The following SH3TC1 variants were observed in gnomAD, a reference collection of about 807,000 sequenced individuals.
SH3TC1 encodes SH3 domain and tetratricopeptide repeats 1.
In SH3TC1, 135 loss-of-function variants were observed where a neutral mutation model predicts 117.3. The observed-to-expected ratio is 1.15, with a 90% CI of 1.00 to 1.33. The LOEUF (loss-of-function observed/expected upper bound fraction) is 1.33. Ranked by LOEUF, SH3TC1 falls within the 40% of genes most tolerant of loss-of-function variation. The pLI is 0.00. For missense variants in SH3TC1, 2,092 were observed against 1,794.3 expected (o/e 1.17, Z -3.00); for synonymous variants, 898 against 816.9 (o/e 1.10, Z -1.69).
intron 1 of SH3TC1, chr4:8,204,738 C>T (rs979446036): frequency 2.2e-4 from 34 of 153,974 alleles, no homozygotes; most frequent in African/African-American, 1.9e-4. Context: ...CTATTTGTGA[C>T]GCTGGAAGGG....
chr4:8,222,751 C>A, intron 9 of SH3TC1, 89 bp from the exon 10 acceptor site: 1 of 1,507,844 alleles, frequency 6.6e-7, no homozygotes, highest in Non-Finnish European at 9.0e-7. Context: ...GACTATCTGT[C>A]TGTCAAATCA....
rs376494346 is a variant in SH3TC1 at position 8,232,016 on chromosome 4, C to T, written c.2991C>T (p.Ser997=). The T allele has an allele frequency of 3.0e-5, 48 of 1,612,696 alleles. No individual in the cohort carries two copies. Among genetic ancestry groups the T allele is most frequent in the African/African-American group, 8.0e-5 (6 of 74,932 alleles). The part of the protein sequence containing the change: ...RAVQRLCHFY[S]AVMPSEAQCV... ...TCCAGCGGCTGTGCCACTTCTACAG[C>T]GCCGTCATGCCCAGCGAGGCCCAGT... Residue 997 remains serine, a synonymous_variant, in exon 13 of 18, where the codon AGC becomes AGT. Transcript: ENST00000245105.
chr4:8,205,946 C>T lies in SH3TC1; in HGVS notation c.172+580C>T, dbSNP rs1340861360. On this transcript the variant is annotated intron_variant, in intron 2 of 17. Transcript: ENST00000245105. The surrounding 1 kb of genome is among the most constrained non-coding windows in gnomAD (Gnocchi z 5.4). ...GGAGACCAAGGCCTGCACGGCCCCTCCCGGCAGGAGACAGCTGCGGTTGTG... is the reference window on the plus strand; with the variant it reads ...GGAGACCAAGGCCTGCACGGCCCCTTCCGGCAGGAGACAGCTGCGGTTGTG... 2 of 467,556 alleles carry T rather than the reference C, an allele frequency of 4.3e-6. No individual in the cohort carries two copies. The highest frequency in any genetic ancestry group is 3.7e-5 in the South Asian group (1 of 26,758). 29.0% of individuals were successfully genotyped at this position (467,556 alleles called of 1,614,324 possible).
In SH3TC1 at chr4:8,219,392, C is replaced by A. The variant is rs1283128288; in HGVS notation, c.974C>A (p.Thr325Asn). Reference sequence around the variant, plus strand: ...CAGGGCTCGGGGCCCGAAGAGATGACCTTCCGAGGTGGCGACCTCATCGAG... The same window carrying A: ...CAGGGCTCGGGGCCCGAAGAGATGAACTTCCGAGGTGGCGACCTCATCGAG... Reference protein sequence around the residue: ...DFQGSGPEEMTFRGGDLIEIL... With the variant: ...DFQGSGPEEMNFRGGDLIEIL... The change falls in exon 9 of 18, where the codon ACC becomes AAC. Residue 325 changes from threonine to asparagine, a missense_variant. By Grantham distance (65) the Thr-to-Asn change is moderately conservative. Coordinates refer to ENST00000245105, the MANE Select transcript of SH3TC1 (RefSeq NM_018986.5). The A allele has an allele frequency of 2.7e-5, 43 of 1,610,236 alleles. No homozygotes were observed. The highest frequency in any genetic ancestry group is 3.7e-5 in the Non-Finnish European group (43 of 1,177,984).
At position 8,186,434 on chromosome 4, in the gene SH3TC1, C is replaced by T. The variant is rs1477285838; in HGVS notation, c.-57+4224C>T. ...ATGGGCTTCTGCGTGGAGCAGAAGA[C>T]GGATGTTAGGGGAAACTAAGGAAGT... On this transcript the variant is annotated intron_variant, in intron 1 of 16. Transcript: ENST00000508641. The surrounding 1 kb of genome is among the most constrained non-coding windows in gnomAD (Gnocchi z 5.2). Among the ~76,000 whole-genome samples the T allele has an allele frequency of 1.3e-5, 2 of 152,056 alleles. No homozygotes were observed. Among genetic ancestry groups the T allele is most frequent in the African/African-American group, 2.4e-5 (1 of 41,380 alleles).
intron 12 of SH3TC1, 62 bp downstream of exon 12, chr4:8,228,706 G>A: frequency 1.5e-6 from 2 of 1,292,974 alleles, no homozygotes; most frequent in Non-Finnish European, 2.1e-6. Flanking sequence ...CACACCTGGG[G>A]TTTGTGATTC....
At chr4:8,214,119 C>A (rs1467671925) in intron 4 of SH3TC1, among the ~76,000 whole-genome samples, 1 of 152,082 alleles carries the variant, frequency 6.6e-6, no homozygotes, top group Non-Finnish European at 1.5e-5. Flanking sequence ...CCACTCAGGG[C>A]TGAGAGCACA....
upstream of SH3TC1, among the ~76,000 whole-genome samples, chr4:8,194,772 A>T (rs963536452): frequency 6.6e-6 from 1 of 151,964 alleles, no homozygotes; most frequent in African/African-American, 2.4e-5. Flanking sequence ...GCAAAGATTA[A>T]CTCTGGAGCT....
intron 5 of SH3TC1, among the ~76,000 whole-genome samples, 186 bp from the exon 6 acceptor site, chr4:8,215,925 C>T (rs1051313663): frequency 7.7e-5 from 9 of 116,154 alleles, no homozygotes; most frequent in East Asian, 6.4e-4. Context: ...TCTCACAGCC[C>T]GGGTGGTCAG....
rs76974855 is a variant in SH3TC1, at chr4:8,215,319, C to T, written c.481+739C>T. 9.7e-3 allele frequency: 4,327 copies of T among 445,352 alleles called. 36 individuals are homozygous for T. The highest frequency in any genetic ancestry group is 0.016 in the Middle Eastern group (36 of 2,222). The allele number at this position is 445,352 out of a possible 1,614,324, so 27.6% of individuals were successfully genotyped here. A position where few individuals can be genotyped will look rare whatever the true frequency, so the allele number is the denominator to read the frequency against. ...TAACGGAGCCTCCCTGGGGATCTTG[C>T]GACACCACCCTTGATTTGAGGGCTA... On this transcript the variant is annotated intron_variant, in intron 5 of 17. Coordinates refer to ENST00000245105, the MANE Select transcript of SH3TC1 (RefSeq NM_018986.5).
At position 8,231,984 on chromosome 4, in the gene SH3TC1, CG is replaced by C; in HGVS notation, c.2962del (p.Ala988ProfsTer156). 6.2e-7 allele frequency: 1 copy of C among 1,611,458 alleles called. No homozygotes were observed. ...TTTTGTCTTCTGCCCAGGCCAGCTG[CG>C]GGCCGTCCAGCGGCTGTGCCACTTC... ...VEMGHVESQL[R>X]AVQRLCHFYS... On this transcript the variant is annotated frameshift_variant, in exon 13 of 18. Coordinates refer to ENST00000245105, the MANE Select transcript of SH3TC1 (RefSeq NM_018986.5). LOFTEE classifies it high-confidence loss of function.
chr4:8,233,569 A>ATCCG (rs200437615), intron 14 of SH3TC1, 56 bp downstream of exon 14: 12 of 1,514,644 alleles, frequency 7.9e-6, no homozygotes, highest in African/African-American at 1.4e-5. Context: ...CCATCCATCC[A>ATCCG]TCCGTCCATT....
At chr4:8,194,891 G>C (rs770559007), upstream of SH3TC1, among the ~76,000 whole-genome samples, 3 of 152,188 alleles carry the variant, frequency 2.0e-5, no homozygotes, top group Non-Finnish European at 4.4e-5. Flanking sequence ...CTTTGTCTCC[G>C]GCTGCTCCAC....
chr4:8,232,886 C>T, intron 13 of SH3TC1: 1 of 1,217,688 alleles, frequency 8.2e-7, no homozygotes, highest in South Asian at 1.4e-5. Flanking sequence ...AGCAGAGCAG[C>T]ATCCATGTCA....
chr4:8,205,988 C>T lies in SH3TC1; in HGVS notation c.172+622C>T, dbSNP rs1192319421. 3 of 375,926 alleles carry T rather than the reference C, an allele frequency of 8.0e-6. No homozygotes were observed. Among genetic ancestry groups the T allele is most frequent in the South Asian group, 5.5e-5 (1 of 18,180 alleles). 23.3% of individuals were successfully genotyped at this position (375,926 alleles called of 1,614,324 possible). A position where few individuals can be genotyped will look rare whatever the true frequency, so the allele number is the denominator to read the frequency against. On this transcript the variant is annotated intron_variant, in intron 2 of 17. Transcript: ENST00000245105. This position sits in a 1 kb window ranked among gnomAD's most constrained non-coding sequence, Gnocchi z 5.4. Reference sequence around the variant, plus strand: ...GCGGTTGTGACCCGTCCCTGGGCCTCGTCCTCCCAGTGTCCAGCCTCAGCC... The same window carrying T: ...GCGGTTGTGACCCGTCCCTGGGCCTTGTCCTCCCAGTGTCCAGCCTCAGCC...
chr4:8,205,034 G>A lies in SH3TC1; in HGVS notation c.-28-133G>A, dbSNP rs779426983. The stretch of plus-strand genomic sequence containing the variant: ...ACAACACGGTGCACGGTGCGGTGAG[G>A]GGCTCGCTGGATCTGAAAGGTGCAG... On this transcript the variant is annotated intron_variant, in intron 1 of 17. Coordinates refer to ENST00000245105, the MANE Select transcript of SH3TC1 (RefSeq NM_018986.5). This position sits in a 1 kb window ranked among gnomAD's most constrained non-coding sequence, Gnocchi z 5.4. 3 of 647,058 alleles carry A rather than the reference G, an allele frequency of 4.6e-6. No individual in the cohort carries two copies. The highest frequency in any genetic ancestry group is 4.9e-6 in the Non-Finnish European group (2 of 404,486). The allele number at this position is 647,058 out of a possible 1,614,324, so 40.1% of individuals were successfully genotyped here.
chr4:8,233,070 G>A lies in SH3TC1; in HGVS notation c.3132-293G>A, dbSNP rs545548368. 1.3e-4 allele frequency: 170 copies of A among 1,263,738 alleles called. 1 individual carries two copies. In the African/African-American group the frequency reaches 1.4e-3, roughly 11 times the overall value. 78.3% of individuals were successfully genotyped at this position (1,263,738 alleles called of 1,614,324 possible). ...TCTGAACACTGATGGCTCCTGGTGC[G>A]TCTAGAGAAGACACAGGCCATGTCT... is the stretch of plus-strand genomic sequence containing the variant. On this transcript the variant is annotated intron_variant, in intron 13 of 17. Coordinates refer to ENST00000245105, the MANE Select transcript of SH3TC1 (RefSeq NM_018986.5).
rs769048911 is a variant in SH3TC1 at position 8,218,195 on chromosome 4, T to G, written c.840-76T>G. 10 of 1,156,334 alleles carry G rather than the reference T, an allele frequency of 8.6e-6. No individual in the cohort carries two copies. The South Asian group carries it at 1.2e-4, about 14-fold the overall frequency. 71.6% of individuals were successfully genotyped at this position (1,156,334 alleles called of 1,614,324 possible). On this transcript the variant is annotated intron_variant, in intron 7 of 17. Transcript: ENST00000245105. ...CTCAGGTTGCTGGGGGCTGCTGGCCTGTCCAGTCTCTGCACAGGATGTATC... is the reference window on the plus strand; with the variant it reads ...CTCAGGTTGCTGGGGGCTGCTGGCCGGTCCAGTCTCTGCACAGGATGTATC...
chr4:8,227,057 A>G lies in SH3TC1; in HGVS notation c.1363A>G (p.Thr455Ala). Reference protein sequence around the residue: ...KVKNVLEQCKTCPGCPQEPAS... With the variant: ...KVKNVLEQCKACPGCPQEPAS... ...GAAGAATGTTCTGGAACAATGCAAG[A>G]CCTGCCCAGGCTGCCCCCAGGAGCC... Residue 455 changes from threonine to alanine, a missense_variant, in exon 12 of 18, where the codon ACC (threonine) becomes GCC (alanine). Thr to Ala is a moderately conservative substitution (Grantham distance 58, BLOSUM62 0). Coordinates refer to ENST00000245105, the MANE Select transcript of SH3TC1 (RefSeq NM_018986.5). 6.2e-7 allele frequency: 1 copy of G among 1,606,490 alleles called. No individual in the cohort carries two copies. Among genetic ancestry groups the G allele is most frequent in the Non-Finnish European group, 8.5e-7 (1 of 1,176,754 alleles).
Sources: allele counts gnomAD v4.1 joint callset (sites outside exome capture counted in the v4.1 genomes callset), GRCh38; gene constraint gnomAD v4.1.1; non-coding constraint Gnocchi (gnomAD v3.1); transcripts MANE v1.5; gene names NCBI Gene and HGNC (gene_info 2026-07-23, HGNC 2026-07-21).